Variants in DAB1 observed in about 807,000 individuals in gnomAD.
DAB1 encodes disabled homolog 1.
In DAB1, 15 loss-of-function variants were observed where a neutral mutation model predicts 64.6. The observed-to-expected ratio is 0.23, with a 90% confidence interval of 0.16 to 0.36. The LOEUF is 0.36. Among genes scored for constraint, DAB1 ranks in the 10% least tolerant of loss-of-function variants. The pLI is 1.00. For missense variants in DAB1, 596 were observed against 706.7 expected (o/e 0.84, Z 1.78); for synonymous variants, 235 against 251.9 (o/e 0.93, Z 0.64).
intron 3 of DAB1, among the ~76,000 whole-genome samples, chr1:57,143,526 T>C (rs1260667214): frequency 6.6e-6 from 1 of 152,196 alleles, no homozygotes; most frequent in Non-Finnish European, 1.5e-5. Context: ...TCTAGTATAC[T>C]TTATAGTAAA....
chr1:58,376,042 T>A (rs1644321629), intron 3 of DAB1, among the ~76,000 whole-genome samples: 1 of 151,918 alleles, frequency 6.6e-6, no homozygotes, highest in Non-Finnish European at 1.5e-5. Flanking sequence ...CCTTTATCAT[T>A]TTTTATTGTG....
intron 7 of DAB1, among the ~76,000 whole-genome samples, chr1:57,442,192 T>C (rs1043031732): frequency 6.6e-6 from 1 of 152,242 alleles, no homozygotes; most frequent in Non-Finnish European, 1.5e-5. Context: ...GGGTTAATAG[T>C]AGCTGATTCC....
intron 5 of DAB1, among the ~76,000 whole-genome samples, chr1:58,081,306 C>A (rs1374750074): frequency 6.6e-6 from 1 of 152,224 alleles, no homozygotes; most frequent in Admixed American, 6.5e-5. Flanking sequence ...CAACAAATAG[C>A]ACCAGAATGC....
In DAB1 at chr1:57,836,428, A is replaced by G. The variant is rs117022291; in HGVS notation, n.88-9973T>C. Reference sequence around the variant, plus strand: ...CCTTGGGTAAGCCACTCGTCATCCTATCTCCTTCTCTCTGGTGGTACTCTT... The same window carrying G: ...CCTTGGGTAAGCCACTCGTCATCCTGTCTCCTTCTCTCTGGTGGTACTCTT... On this transcript the variant is annotated intron_variant and non_coding_transcript_variant, in intron 1 of 1. Transcript: ENST00000477280. Among the ~76,000 whole-genome samples, 394 of 152,258 alleles carry G rather than the reference A, an allele frequency of 2.6e-3. 8 individuals are homozygous for G. The East Asian group carries it at 0.066, about 25-fold the overall frequency.
At chr1:58,239,080 C>T (rs1660176379) in intron 4 of DAB1, among the ~76,000 whole-genome samples, 1 of 152,150 alleles carries the variant, frequency 6.6e-6, no homozygotes, top group South Asian at 2.1e-4. Flanking sequence ...TTCCAGGACC[C>T]TCCCGGAATG....
At chr1:57,244,402 T>C (rs1668714379) in intron 2 of DAB1, among the ~76,000 whole-genome samples, 1 of 152,126 alleles carries the variant, frequency 6.6e-6, no homozygotes, top group African/African-American at 2.4e-5. Context: ...GAAAGATGGA[T>C]AGATGAGAAG....
chr1:57,369,372 T>C (rs567553005), intron 1 of DAB1, among the ~76,000 whole-genome samples: 3 of 152,154 alleles, frequency 2.0e-5, no homozygotes, highest in African/African-American at 7.2e-5. Context: ...ATCTAAAAAG[T>C]GGAAATTTAA....
At chr1:57,096,278 C>A (rs947150975) in intron 4 of DAB1, among the ~76,000 whole-genome samples, 1 of 152,254 alleles carries the variant, frequency 6.6e-6, no homozygotes, top group South Asian at 2.1e-4. Flanking sequence ...TATTTTCAAC[C>A]TCTTTGCTTA....
intron 7 of DAB1, among the ~76,000 whole-genome samples, chr1:57,465,367 T>C (rs1397343087): frequency 6.6e-6 from 1 of 152,200 alleles, no homozygotes; most frequent in East Asian, 1.9e-4. Context: ...AAAAACTTTG[T>C]TTGATTTTCC....
At chr1:57,619,941 G>A (rs936089125) in intron 7 of DAB1, among the ~76,000 whole-genome samples, 30 of 152,220 alleles carry the variant, frequency 2.0e-4, no homozygotes, top group African/African-American at 7.0e-4. Context: ...GGACAGCAAG[G>A]CTGCTAGAGA....
chr1:58,232,751 A>G (rs1659840357), intron 4 of DAB1, among the ~76,000 whole-genome samples: 1 of 152,144 alleles, frequency 6.6e-6, no homozygotes, highest in Non-Finnish European at 1.5e-5. Context: ...GAGAGTGACA[A>G]GGGACAGTGG....
At chr1:57,183,222 G>A (rs1477315108) in intron 2 of DAB1, among the ~76,000 whole-genome samples, 1 of 152,174 alleles carries the variant, frequency 6.6e-6, no homozygotes, top group Non-Finnish European at 1.5e-5. Context: ...CAAGGGTGAG[G>A]TGAATGGGTC....
intron 7 of DAB1, among the ~76,000 whole-genome samples, chr1:57,563,560 T>C (rs985149921): frequency 1.3e-5 from 2 of 152,144 alleles, no homozygotes; most frequent in Admixed American, 1.3e-4. Context: ...CTGTGACAGA[T>C]GGCACCTGGA....
chr1:58,025,259 T>C (rs1326220422), intron 5 of DAB1, among the ~76,000 whole-genome samples: 3 of 152,024 alleles, frequency 2.0e-5, no homozygotes, highest in Admixed American at 6.6e-5. Flanking sequence ...GTTTTCGTGG[T>C]CATTAGAATC....
chr1:57,567,933 T>A (rs1645143507), intron 7 of DAB1, among the ~76,000 whole-genome samples: 1 of 152,024 alleles, frequency 6.6e-6, no homozygotes, highest in Admixed American at 6.6e-5. Context: ...TACTTTAAAG[T>A]TCATATGGAA....
intron 5 of DAB1, among the ~76,000 whole-genome samples, chr1:57,964,926 G>A (rs1645618249): frequency 6.6e-6 from 1 of 152,080 alleles, no homozygotes; most frequent in Admixed American, 6.6e-5. Flanking sequence ...TTTGCTGGGG[G>A]AATATTGAGA....
intron 3 of DAB1, among the ~76,000 whole-genome samples, chr1:58,362,354 A>G (rs559880083): frequency 7.2e-4 from 110 of 152,224 alleles, no homozygotes; most frequent in Non-Finnish European, 1.2e-3. Flanking sequence ...AAAGATGAAA[A>G]CCTCAAGTTT....
intron 1 of DAB1, among the ~76,000 whole-genome samples, chr1:57,398,402 A>G (rs1222488261): frequency 6.6e-6 from 1 of 152,224 alleles, no homozygotes; most frequent in Non-Finnish European, 1.5e-5. Context: ...GGAGGAGTTC[A>G]ACAGGCAGTG....
chr1:58,243,070 G>A (rs1447099063), intron 4 of DAB1, among the ~76,000 whole-genome samples: 1 of 152,090 alleles, frequency 6.6e-6, no homozygotes, highest in Non-Finnish European at 1.5e-5. Context: ...AATATTTTGA[G>A]TTCTTAGTAC....
Sources: gnomAD v4.1 joint callset for allele counts (sites outside exome capture counted in the v4.1 genomes callset) on GRCh38, gnomAD v4.1.1 for gene constraint, MANE v1.5 for transcripts, NCBI Gene and HGNC (gene_info 2026-07-23, HGNC 2026-07-21) for gene names.